SPAG16: variants seen among roughly 807,000 people sequenced by gnomAD.
SPAG16 encodes sperm associated antigen 16.
SPAG16 carries 86 observed loss-of-function variants against 80.4 expected under a neutral mutation model. The observed-to-expected ratio is 1.07, with a 90% CI of 0.90 to 1.28. The LOEUF (loss-of-function observed/expected upper bound fraction) is 1.28. Among genes scored for constraint, SPAG16 ranks in the 50% most tolerant of loss-of-function variants. The probability of loss-of-function intolerance (pLI) is 0.00; values close to 1 mark genes in which losing one functional copy is unlikely to be tolerated. For missense variants in SPAG16, 870 were observed against 765.3 expected, an observed-to-expected ratio of 1.14 and a Z score of -1.61; for synonymous variants, 294 against 265.9, an observed-to-expected ratio of 1.11 and a Z score of -1.03.
At chr2:214,205,443 A>G (rs2125731209) in intron 15 of SPAG16, among the ~76,000 whole-genome samples, 1 of 152,324 alleles carries the variant, frequency 6.6e-6, no homozygotes, top group East Asian at 1.9e-4. Flanking sequence ...CCTGAAAAAC[A>G]TAATAATTTC....
At chr2:213,632,048 A>T (rs2062175584) in intron 10 of SPAG16, among the ~76,000 whole-genome samples, 1 of 152,096 alleles carries the variant, frequency 6.6e-6, no homozygotes, top group African/African-American at 2.4e-5. Context: ...TAGGGATTGC[A>T]TTGAATCTGT....
chr2:213,431,087 A>G (rs1305523676), intron 9 of SPAG16, among the ~76,000 whole-genome samples: 5 of 152,194 alleles, frequency 3.3e-5, no homozygotes, highest in East Asian at 1.9e-4. Context: ...ATGGGAAAGA[A>G]AGGTTGATAT....
At chr2:214,390,012 G>T (rs572829863) in intron 15 of SPAG16, among the ~76,000 whole-genome samples, 1 of 152,288 alleles carries the variant, frequency 6.6e-6, no homozygotes, top group East Asian at 1.9e-4. Context: ...ACCAACGTTT[G>T]TACTGAAGCC....
chr2:214,293,012 G>A (rs1371395249), intron 15 of SPAG16, among the ~76,000 whole-genome samples: 1 of 152,204 alleles, frequency 6.6e-6, no homozygotes, highest in African/African-American at 2.4e-5. Flanking sequence ...CGAGGATGCT[G>A]GATAGTCCAG....
At chr2:213,747,297 G>A (rs2067871936) in intron 10 of SPAG16, among the ~76,000 whole-genome samples, 1 of 152,152 alleles carries the variant, frequency 6.6e-6, no homozygotes, top group Non-Finnish European at 1.5e-5. Context: ...GAACAAAACA[G>A]ATTTTAAAAA....
intron 9 of SPAG16, among the ~76,000 whole-genome samples, chr2:213,448,991 C>T (rs951368807): frequency 6.6e-6 from 1 of 152,114 alleles, no homozygotes; most frequent in African/African-American, 2.4e-5. Flanking sequence ...TGCAGAGAGC[C>T]TATAAACAGT....
chr2:213,601,515 TTAGAAA>T (rs2124973757), intron 10 of SPAG16, among the ~76,000 whole-genome samples: 1 of 152,230 alleles, frequency 6.6e-6, no homozygotes, highest in Non-Finnish European at 1.5e-5. Context: ...TATGGAGCAA[TTAGAAA>T]TAGATATCTA....
rs543601034 is a variant in SPAG16 at position 213,618,590 on chromosome 2, G to C, written c.1070+128500G>C. ...AATCTCTTTAACAGGGGCACAGAAG[G>C]CCCTTCCTTTCCATTCTATCTTTAA... On this transcript the variant is annotated intron_variant, in intron 10 of 15. Transcript: ENST00000331683. Among the ~76,000 whole-genome samples the C allele has an allele frequency of 1.4e-4, 22 of 152,206 alleles. No homozygotes were observed. In the South Asian group the frequency reaches 4.4e-3, roughly 30 times the overall value.
chr2:214,332,747 T>C (rs1697010980), intron 15 of SPAG16, among the ~76,000 whole-genome samples: 1 of 152,150 alleles, frequency 6.6e-6, no homozygotes, highest in African/African-American at 2.4e-5. Flanking sequence ...TTTTTAAGGG[T>C]GACTCTAATC....
At chr2:213,543,153 A>C (rs1217763940) in intron 10 of SPAG16, among the ~76,000 whole-genome samples, 1 of 152,084 alleles carries the variant, frequency 6.6e-6, no homozygotes, top group African/African-American at 2.4e-5. Flanking sequence ...TGAAAGACAC[A>C]AACTACCAAA....
intron 9 of SPAG16, among the ~76,000 whole-genome samples, chr2:213,438,326 T>TG (rs2070753351): frequency 2.0e-5 from 3 of 151,948 alleles, no homozygotes; most frequent in Non-Finnish European, 4.4e-5. Flanking sequence ...TGGCCAGGAG[T>TG]GGGGAGTATT....
At chr2:213,986,219 C>T (rs77333287) in intron 12 of SPAG16, among the ~76,000 whole-genome samples, 3,733 of 152,054 alleles carry the variant, frequency 0.025, 148 homozygotes, top group African/African-American at 0.086. Flanking sequence ...AATTGCCCAG[C>T]GTCCAGGAAG....
At chr2:213,581,142 T>C (rs1340278138) in intron 10 of SPAG16, among the ~76,000 whole-genome samples, 1 of 152,126 alleles carries the variant, frequency 6.6e-6, no homozygotes, top group Admixed American at 6.6e-5. Flanking sequence ...CTAGTAACTA[T>C]GCTATAATGA....
At position 214,176,515 on chromosome 2, in the gene SPAG16, G is replaced by T. The variant is rs539283780; in HGVS notation, c.1720+27249G>T. 3.3e-5 allele frequency among the ~76,000 whole-genome samples: 5 copies of T among 151,304 alleles called. No homozygotes were observed. In the East Asian group the frequency reaches 7.8e-4, roughly 23 times the overall value. ...TTTCAAAGATTTATTTTAACAAATG[G>T]CTGCTCTGTCTATGCACAAAGAAAA... On this transcript the variant is annotated intron_variant, in intron 15 of 15. Transcript: ENST00000331683.
chr2:213,849,625 A>G (rs2074807156), intron 10 of SPAG16, among the ~76,000 whole-genome samples: 1 of 152,164 alleles, frequency 6.6e-6, no homozygotes, highest in Non-Finnish European at 1.5e-5. Flanking sequence ...TCAGCATGTA[A>G]ATTTACCTGA....
intron 10 of SPAG16, among the ~76,000 whole-genome samples, chr2:213,565,195 G>GT (rs897815571): frequency 2.0e-5 from 3 of 152,054 alleles, no homozygotes; most frequent in African/African-American, 7.2e-5. Flanking sequence ...TTTCTTTTCT[G>GT]TTCCATGTTC....
intron 10 of SPAG16, among the ~76,000 whole-genome samples, chr2:213,608,009 A>AT (rs551834949): frequency 1.2e-4 from 18 of 151,990 alleles, no homozygotes; most frequent in African/African-American, 1.9e-4. Context: ...GTGAAGTATA[A>AT]TTTTTTTTAT....
intron 10 of SPAG16, among the ~76,000 whole-genome samples, chr2:213,814,123 C>T (rs896270555): frequency 2.0e-5 from 3 of 152,116 alleles, no homozygotes; most frequent in Admixed American, 2.0e-4. Context: ...CCTAAATTTG[C>T]AGATCAGGCT....
chr2:213,876,842 T>C (rs1207408678), intron 11 of SPAG16, among the ~76,000 whole-genome samples: 3 of 152,192 alleles, frequency 2.0e-5, no homozygotes, highest in Admixed American at 6.6e-5. Context: ...CTCAGATGCA[T>C]GTCCTTTGTC....
Sources: gnomAD v4.1 joint callset for allele counts (sites outside exome capture counted in the v4.1 genomes callset) on GRCh38, gnomAD v4.1.1 for gene constraint, MANE v1.5 for transcripts, NCBI Gene and HGNC (gene_info 2026-07-23, HGNC 2026-07-21) for gene names.